Variants in PHACTR2 observed in about 807,000 individuals in gnomAD.
PHACTR2 encodes the protein chromosome 6 open reading frame 56.
Under a neutral mutation model 76.0 loss-of-function variants are expected in PHACTR2, and 30 were observed. The observed-to-expected ratio is 0.39, with a 90% CI of 0.30 to 0.54. The LOEUF is 0.54. Ranked by LOEUF, PHACTR2 falls within the 20% of genes least tolerant of loss-of-function variation. The pLI is 0.61. For synonymous variants in PHACTR2, 292 were observed against 292.5 expected (o/e 1.00, Z 0.02); for missense variants, 696 against 781.1 (o/e 0.89, Z 1.30).
rs10457752 is a variant in PHACTR2, at chr6:143,710,271, G to A, written c.47-1745G>A. On this transcript the variant is annotated intron_variant, in intron 1 of 12. Coordinates refer to ENST00000440869, the MANE Select transcript of PHACTR2 (RefSeq NM_001100164.2). This position sits in a 1 kb window ranked among gnomAD's most constrained non-coding sequence, Gnocchi z 4.9. ...AAGAAAACCCAGGAATCTCACCACC[G>A]TGTTGTTTCTTGGGTTCTGAGGTCC... Among the ~76,000 whole-genome samples the A allele has an allele frequency of 0.12, 18,457 of 152,130 alleles. 1,302 individuals are homozygous for A. Among genetic ancestry groups the A allele is most frequent in the East Asian group, 0.36 (1,872 of 5,158 alleles).
chr6:143,763,136 A>T (rs1779476578), intron 5 of PHACTR2, among the ~76,000 whole-genome samples: 2 of 152,312 alleles, frequency 1.3e-5, no homozygotes, highest in Non-Finnish European at 2.9e-5. Flanking sequence ...AGGCAGGTGG[A>T]TCACCTGAGG....
intron 2 of PHACTR2, among the ~76,000 whole-genome samples, chr6:143,734,898 CA>C (rs1778783342): frequency 6.6e-6 from 1 of 152,186 alleles, no homozygotes; most frequent in South Asian, 2.1e-4. Flanking sequence ...TCAGAGAATT[CA>C]TGTCAGGAAA....
rs1171831294 is a variant in PHACTR2 at position 143,816,037 on chromosome 6, C to A, written c.1923-7637C>A. On this transcript the variant is annotated intron_variant, in intron 12 of 12. Transcript: ENST00000440869. This position sits in a 1 kb window ranked among gnomAD's most constrained non-coding sequence, Gnocchi z 4.5. ...TTTTCCCCCATTCCCTCCCTCTCAA[C>A]AGTATGAAAATAAGAAAAAATGTAT... 6.6e-6 allele frequency among the ~76,000 whole-genome samples: 1 copy of A among 151,816 alleles called. No homozygotes were observed. Among genetic ancestry groups the A allele is most frequent in the Non-Finnish European group, 1.5e-5 (1 of 67,986 alleles).
At chr6:143,555,343 G>C (rs1032051115) in intron 1 of PHACTR2, 1 of 152,164 alleles carries the variant, frequency 6.6e-6, no homozygotes, top group Non-Finnish European at 1.5e-5. Flanking sequence ...ACGCCACCTT[G>C]CCTGAAGCAC....
intron 2 of PHACTR2, among the ~76,000 whole-genome samples, chr6:143,745,285 A>G (rs1779032531): frequency 6.6e-6 from 1 of 152,206 alleles, no homozygotes; most frequent in Non-Finnish European, 1.5e-5. Flanking sequence ...CTCACAAACA[A>G]CTGACTTTAG....
intron 2 of PHACTR2, among the ~76,000 whole-genome samples, chr6:143,715,101 C>T (rs1308379047): frequency 6.6e-6 from 1 of 152,216 alleles, no homozygotes; most frequent in Non-Finnish European, 1.5e-5. Context: ...TGCAATCTAT[C>T]TCTGTGTCCT....
In PHACTR2 at chr6:143,820,654, G is replaced by T. The variant is rs1399359035; in HGVS notation, c.1923-3020G>T. On this transcript the variant is annotated intron_variant, in intron 12 of 12. Coordinates refer to ENST00000440869, the MANE Select transcript of PHACTR2 (RefSeq NM_001100164.2). This position sits in a 1 kb window ranked among gnomAD's most constrained non-coding sequence, Gnocchi z 4.2. The stretch of plus-strand genomic sequence containing the variant: ...CACAGGCTGGCGTTGAATGTCTGTG[G>T]CTTTTCCAGGCACAGGGTGCAAGCT... Among the ~76,000 whole-genome samples, 1 of 152,222 alleles carries T rather than the reference G, an allele frequency of 6.6e-6. No individual in the cohort carries two copies. Among genetic ancestry groups the T allele is most frequent in the South Asian group, 2.1e-4 (1 of 4,834 alleles).
chr6:143,808,426 G>C (rs929388839), intron 12 of PHACTR2, among the ~76,000 whole-genome samples: 1 of 152,006 alleles, frequency 6.6e-6, no homozygotes, highest in African/African-American at 2.4e-5. Flanking sequence ...ACCACACCCA[G>C]CCCAAAATAT....
rs2128457266 is a variant in PHACTR2 at position 143,696,188 on chromosome 6, G to A, written c.47-15828G>A. Among the ~76,000 whole-genome samples the A allele has an allele frequency of 6.6e-6, 1 of 152,144 alleles. No homozygotes were observed. The highest frequency in any genetic ancestry group is 3.4e-3 in the Middle Eastern group (1 of 292). ...TGCTTAGTTTCTTTCCTTAATCCAGGGCATTTCTGCTATAGAGTAGTGGGG... is the reference window on the plus strand; with the variant it reads ...TGCTTAGTTTCTTTCCTTAATCCAGAGCATTTCTGCTATAGAGTAGTGGGG... On this transcript the variant is annotated intron_variant, in intron 1 of 12. Coordinates refer to ENST00000440869, the MANE Select transcript of PHACTR2 (RefSeq NM_001100164.2). The surrounding 1 kb of genome is among the most constrained non-coding windows in gnomAD (Gnocchi z 4.1).
rs1775130192 is a variant in PHACTR2 at position 143,553,921 on chromosome 6, A to T, written c.217+16714A>T. Among the ~76,000 whole-genome samples, 1 of 152,124 alleles carries T rather than the reference A, an allele frequency of 6.6e-6. No homozygotes were observed. The highest frequency in any genetic ancestry group is 2.4e-5 in the African/African-American group (1 of 41,416). On this transcript the variant is annotated intron_variant, in intron 1 of 11. Transcript: ENST00000367584. This position sits in a 1 kb window ranked among gnomAD's most constrained non-coding sequence, Gnocchi z 4.2. Reference sequence around the variant, plus strand: ...TTGAAGAAAGGCCTGAGAGAAGTTAAGGGGTGATCCTTCCAGGCAGAGAGA... The same window carrying T: ...TTGAAGAAAGGCCTGAGAGAAGTTATGGGGTGATCCTTCCAGGCAGAGAGA...
At chr6:143,690,447 C>T (rs1777618873) in intron 1 of PHACTR2, among the ~76,000 whole-genome samples, 1 of 152,072 alleles carries the variant, frequency 6.6e-6, no homozygotes, top group Non-Finnish European at 1.5e-5. Context: ...TTTGGCAGAG[C>T]ACACAGGGTG....
At chr6:143,798,225 T>C (rs1775871227) in intron 11 of PHACTR2, among the ~76,000 whole-genome samples, 2 of 152,232 alleles carry the variant, frequency 1.3e-5, no homozygotes, top group African/African-American at 4.8e-5. Context: ...ATAGGAATGC[T>C]TGTGATTTTT....
In PHACTR2 at chr6:143,627,754, G is replaced by A. The variant is rs1315598543; in HGVS notation, c.13+19432G>A. ...GTAGCTGGGACTACAGGCTCGTACC[G>A]CCACGCCCAGCTAATTTTTTGTATT... On this transcript the variant is annotated intron_variant, in intron 1 of 11. Coordinates refer to the PHACTR2 transcript ENST00000305766. This position sits in a 1 kb window ranked among gnomAD's most constrained non-coding sequence, Gnocchi z 4.3. Among the ~76,000 whole-genome samples the A allele has an allele frequency of 9.2e-5, 14 of 151,914 alleles. No homozygotes were observed. Among genetic ancestry groups the A allele is most frequent in the South Asian group, 2.1e-4 (1 of 4,800 alleles).
rs2128435432 is a variant in PHACTR2 at position 143,598,485 on chromosome 6, T to C, written c.217+61278T>C. ...CAGAACCATCAGAGTAAATTTTGGCTGTTTTAAGCCACTAAATTGGTGGTA... is the reference window on the plus strand; with the variant it reads ...CAGAACCATCAGAGTAAATTTTGGCCGTTTTAAGCCACTAAATTGGTGGTA... On this transcript the variant is annotated intron_variant, in intron 1 of 11. Coordinates refer to the PHACTR2 transcript ENST00000367584. This position sits in a 1 kb window ranked among gnomAD's most constrained non-coding sequence, Gnocchi z 4.1. 1.3e-5 allele frequency among the ~76,000 whole-genome samples: 2 copies of C among 152,344 alleles called. No homozygotes were observed. The highest frequency in any genetic ancestry group is 4.1e-4 in the South Asian group (2 of 4,824).
chr6:143,659,257 G>T lies in PHACTR2; in HGVS notation c.13+50935G>T, dbSNP rs1010747271. Among the ~76,000 whole-genome samples, 1 of 152,008 alleles carries T rather than the reference G, an allele frequency of 6.6e-6. No individual in the cohort carries two copies. The highest frequency in any genetic ancestry group is 6.6e-5 in the Admixed American group (1 of 15,264). On this transcript the variant is annotated intron_variant, in intron 1 of 11. Coordinates refer to the PHACTR2 transcript ENST00000305766. This position sits in a 1 kb window ranked among gnomAD's most constrained non-coding sequence, Gnocchi z 5.0. ...AATAATAAATTAACCTTAGCTTATT[G>T]TAACTTTTTTACTTTATAAACTTTA...
At chr6:143,686,549 A>G (rs1322462255) in intron 1 of PHACTR2, among the ~76,000 whole-genome samples, 1 of 129,584 alleles carries the variant, frequency 7.7e-6, no homozygotes, top group African/African-American at 3.0e-5. Flanking sequence ...GTGCAGTGGC[A>G]TGATCTCGGC....
chr6:143,589,013 T>C lies in PHACTR2; in HGVS notation c.217+51806T>C, dbSNP rs1037657963. ...TCAACCTTCAAGGAACAAATCACTC[T>C]CATCGTATGAGTTTGCTAGAGCTGC... On this transcript the variant is annotated intron_variant, in intron 1 of 11. Coordinates refer to the PHACTR2 transcript ENST00000367584. This position sits in a 1 kb window ranked among gnomAD's most constrained non-coding sequence, Gnocchi z 4.4. Among the ~76,000 whole-genome samples the C allele has an allele frequency of 5.9e-5, 9 of 152,366 alleles. No individual in the cohort carries two copies. Among genetic ancestry groups the C allele is most frequent in the East Asian group, 1.9e-4 (1 of 5,194 alleles).
chr6:143,673,333 T>C (rs1777189569), upstream of PHACTR2, among the ~76,000 whole-genome samples: 1 of 152,192 alleles, frequency 6.6e-6, no homozygotes. Flanking sequence ...CCCAGATTTT[T>C]TTTTTTGTCC....
Position 143,642,252 on chromosome 6 carries a change from C to T in PHACTR2, c.13+33930C>T, listed in dbSNP as rs567809938. 9.3e-4 allele frequency among the ~76,000 whole-genome samples: 141 copies of T among 152,340 alleles called. 1 individual carries two copies. Among genetic ancestry groups the T allele is most frequent in the African/African-American group, 3.1e-3 (130 of 41,580 alleles). On this transcript the variant is annotated intron_variant, in intron 1 of 11. Coordinates refer to the PHACTR2 transcript ENST00000305766. ...CCTACAGTTTTTGAAGATCCAGCTTCTGTACCACATTGTTATTAGGGAGAA... is the reference window on the plus strand; with the variant it reads ...CCTACAGTTTTTGAAGATCCAGCTTTTGTACCACATTGTTATTAGGGAGAA...
Sources: gnomAD v4.1 joint callset for allele counts (sites outside exome capture counted in the v4.1 genomes callset) on GRCh38, gnomAD v4.1.1 for gene constraint, Gnocchi (gnomAD v3.1) non-coding constraint, MANE v1.5 for transcripts, NCBI Gene and HGNC (gene_info 2026-07-23, HGNC 2026-07-21) for gene names.